TUBAL3: variants seen among roughly 807,000 people sequenced by gnomAD.
The protein encoded by TUBAL3 is tubulin alpha chain-like 3.
TUBAL3 carries 16 observed loss-of-function variants against 15.5 expected under a neutral mutation model. The observed-to-expected ratio is 1.04, with a 90% CI of 0.70 to 1.57. The LOEUF is 1.57. Ranked by LOEUF, TUBAL3 falls within the 40% of genes most tolerant of loss-of-function variation. The pLI, the probability that TUBAL3 is intolerant of heterozygous loss-of-function variation, is 0.00. For missense variants in TUBAL3, 609 were observed against 576.2 expected (o/e 1.06, Z -0.58); for synonymous variants, 238 against 224.3 (o/e 1.06, Z -0.55).
chr10:5,398,907 C>A (rs1831806901), intron 2 of TUBAL3, among the ~76,000 whole-genome samples: 1 of 152,090 alleles, frequency 6.6e-6, no homozygotes, highest in African/African-American at 2.4e-5. Context: ...GTATCATATA[C>A]AATACAATTA....
intron 2 of TUBAL3, among the ~76,000 whole-genome samples, chr10:5,399,377 C>T (rs74678426): frequency 0.022 from 3,358 of 152,234 alleles, 115 homozygotes; most frequent in African/African-American, 0.076. Context: ...GGGATTAGGG[C>T]CCTTATAAGA....
chr10:5,395,984 A>G lies in TUBAL3; in HGVS notation c.248-509T>C, dbSNP rs1458228802. ...ATGTGTGTCTGTGCTCTCTCCTCTG[A>G]TAAGGACACAATTCTTTAGCATTAG... On this transcript the variant is annotated intron_variant, in intron 2 of 3. Transcript: ENST00000380419. The surrounding 1 kb of genome is among the most constrained non-coding windows in gnomAD (Gnocchi z 4.6). Among the ~76,000 whole-genome samples the G allele has an allele frequency of 6.6e-6, 1 of 152,096 alleles. No homozygotes were observed. The highest frequency in any genetic ancestry group is 1.5e-5 in the Non-Finnish European group (1 of 68,030).
Position 5,393,483 on chromosome 10 carries a change from A to T in TUBAL3, c.*34T>A, listed in dbSNP as rs782177939. On this transcript the variant is annotated 3_prime_UTR_variant, in exon 4 of 4. Coordinates refer to ENST00000380419, the MANE Select transcript of TUBAL3 (RefSeq NM_024803.3). ...GCTTGAAAAGAAAACATGCCATTTT[A>T]ACTTGACATTCATTTGCACCCATCA... 6.5e-7 allele frequency: 1 copy of T among 1,528,616 alleles called. No homozygotes were observed. The highest frequency in any genetic ancestry group is 1.3e-5 in the South Asian group (1 of 78,154). The allele number at this position is 1,528,616 out of a possible 1,614,324, so 94.7% of individuals were successfully genotyped here.
intron 2 of TUBAL3, 99 bp downstream of exon 2, chr10:5,400,745 T>C: frequency 6.8e-7 from 1 of 1,461,156 alleles, no homozygotes; most frequent in Admixed American, 1.8e-5. Flanking sequence ...GTCCATGTGA[T>C]TCCATTCAGA....
rs544997233 is a variant in TUBAL3, at chr10:5,398,118, C to T, written c.248-2643G>A. 7.2e-5 allele frequency among the ~76,000 whole-genome samples: 11 copies of T among 152,146 alleles called. No homozygotes were observed. In the South Asian group the frequency reaches 2.3e-3, roughly 32 times the overall value. On this transcript the variant is annotated intron_variant, in intron 2 of 3. Transcript: ENST00000380419. Reference sequence around the variant, plus strand: ...CCTGGGCAATATAGTGAGACCCTATCTCTATAAAAAACAAAAAATTGGCCG... The same window carrying T: ...CCTGGGCAATATAGTGAGACCCTATTTCTATAAAAAACAAAAAATTGGCCG...
chr10:5,399,579 G>A (rs575954334), intron 2 of TUBAL3, among the ~76,000 whole-genome samples: 8 of 152,302 alleles, frequency 5.3e-5, no homozygotes, highest in East Asian at 1.9e-4. Flanking sequence ...ACAGCAGTCC[G>A]AGTTGACCAA....
rs1310765988 is a variant in TUBAL3, at chr10:5,393,908, C to T, written c.950G>A (p.Gly317Glu). The T allele has an allele frequency of 1.2e-6, 2 of 1,614,114 alleles. No individual in the cohort carries two copies. The highest frequency in any genetic ancestry group is 8.5e-7 in the Non-Finnish European group (1 of 1,180,056). The change falls in exon 4 of 4, where the codon GGG becomes GAG. Residue 317 changes from glycine to glutamate, a missense_variant. Gly to Glu is a moderately conservative substitution (Grantham distance 98, BLOSUM62 -2). Coordinates refer to ENST00000380419, the MANE Select transcript of TUBAL3 (RefSeq NM_024803.3). ...NQLVKCDPRL[G>E]KYMACCLLYR... ...GAGTAGGCAGCAGGCCATGTACTTC[C>T]CAAGCCGAGGATCACACTTGACCAG...
chr10:5,401,709 CAT>C (rs763083822), intron 1 of TUBAL3, among the ~76,000 whole-genome samples: 13 of 151,356 alleles, frequency 8.6e-5, no homozygotes, highest in Non-Finnish European at 1.8e-4. Context: ...TTATAACAAA[CAT>C]ATAGAGATAA....
In TUBAL3 at chr10:5,395,998, C is replaced by A. The variant is rs1554814125; in HGVS notation, c.248-523G>T. 6.6e-6 allele frequency among the ~76,000 whole-genome samples: 1 copy of A among 152,158 alleles called. No individual in the cohort carries two copies. The highest frequency in any genetic ancestry group is 6.5e-5 in the Admixed American group (1 of 15,270). ...TCTCTCCTCTGATAAGGACACAATT[C>A]TTTAGCATTAGGGCCCACCCTAATC... On this transcript the variant is annotated intron_variant, in intron 2 of 3. Coordinates refer to ENST00000380419, the MANE Select transcript of TUBAL3 (RefSeq NM_024803.3). The surrounding 1 kb of genome is among the most constrained non-coding windows in gnomAD (Gnocchi z 4.6).
At chr10:5,398,456 A>C (rs1554814345) in intron 2 of TUBAL3, among the ~76,000 whole-genome samples, 2 of 145,958 alleles carry the variant, frequency 1.4e-5, no homozygotes, top group African/African-American at 2.5e-5. Flanking sequence ...AAACTTATCC[A>C]CATGTAGTGA....
At position 5,400,347 on chromosome 10, in the gene TUBAL3, C is replaced by G. The variant is rs146470117; in HGVS notation, c.247+497G>C. Among the ~76,000 whole-genome samples the G allele has an allele frequency of 9.2e-5, 14 of 152,234 alleles. No homozygotes were observed. In the East Asian group the frequency reaches 1.9e-3, roughly 21 times the overall value. ...CATCACACAGGTAAAGAAGGCTAAC[C>G]TAGGCCAAGTGTGGTGGCTCACGCC... On this transcript the variant is annotated intron_variant, in intron 2 of 3. Transcript: ENST00000380419.
chr10:5,402,713 C>T (rs868939658), intron 1 of TUBAL3, among the ~76,000 whole-genome samples: 5 of 152,216 alleles, frequency 3.3e-5, no homozygotes, highest in Non-Finnish European at 7.3e-5. Flanking sequence ...GTCGGATCAG[C>T]GGCAGCATTA....
chr10:5,394,873 C>T lies in TUBAL3; in HGVS notation c.397-412G>A, dbSNP rs1180694411. Among the ~76,000 whole-genome samples, 2 of 152,196 alleles carry T rather than the reference C, an allele frequency of 1.3e-5. No individual in the cohort carries two copies. The highest frequency in any genetic ancestry group is 2.9e-5 in the Non-Finnish European group (2 of 68,034). ...CTAACAAATATGACAAACACCAAAA[C>T]TCTTACTTAGCAAAGGGTCTCCAGA... On this transcript the variant is annotated intron_variant, in intron 3 of 3. Transcript: ENST00000380419. This position sits in a 1 kb window ranked among gnomAD's most constrained non-coding sequence, Gnocchi z 4.3.
In TUBAL3 at chr10:5,393,657, T is replaced by C. The variant is rs1554813723; in HGVS notation, c.1201A>G (p.Lys401Glu). 1 of 1,614,182 alleles carries C rather than the reference T, an allele frequency of 6.2e-7. No individual in the cohort carries two copies. The highest frequency in any genetic ancestry group is 1.1e-5 in the South Asian group (1 of 91,088). The change falls in exon 4 of 4, where the codon AAG (lysine) becomes GAG (glutamate). Residue 401 changes from lysine to glutamate, a missense_variant. By Grantham distance (56) the Lys-to-Glu change is moderately conservative (BLOSUM62 1). Coordinates refer to ENST00000380419, the MANE Select transcript of TUBAL3 (RefSeq NM_024803.3). The part of the protein sequence containing the change: ...IVEAWARLDH[K>E]FDLMYAKRAF... ...CTCTTGGCGTACATGAGGTCAAACT[T>C]GTGGTCCAGGCGGGCCCAGGCCTCC...
Position 5,395,269 on chromosome 10 carries a change from C to G in TUBAL3, c.396+58G>C, listed in dbSNP as rs564519617. The G allele has an allele frequency of 8.6e-6, 12 of 1,401,890 alleles. No individual in the cohort carries two copies. In the East Asian group the frequency reaches 2.4e-4, roughly 29 times the overall value. 86.8% of individuals were successfully genotyped at this position (1,401,890 alleles called of 1,614,324 possible). On this transcript the variant is annotated intron_variant, in intron 3 of 3. Coordinates refer to ENST00000380419, the MANE Select transcript of TUBAL3 (RefSeq NM_024803.3). The surrounding 1 kb of genome is among the most constrained non-coding windows in gnomAD (Gnocchi z 4.6). ...AGCAGATAATGCTTGTGAGTTCTGC[C>G]GCAGGACCCCACATGCCCCAGGCAC...
In TUBAL3 at chr10:5,394,313, G is replaced by T; in HGVS notation, c.545C>A (p.Pro182His). ...TKLEFSVYPA[P>H]RISTAVVEPY... ...CTCTACCACAGCAGTGGAGATCCTG[G>T]GGGCTGGGTAGACCGAGAACTCCAG... The change falls in exon 4 of 4, where the codon CCC (proline) becomes CAC (histidine). Residue 182 changes from proline (P) to histidine (H), a missense_variant. Transcript: ENST00000380419. This position sits in a 1 kb window ranked among gnomAD's most constrained non-coding sequence, Gnocchi z 4.3. 6.2e-7 allele frequency: 1 copy of T among 1,614,126 alleles called. No individual in the cohort carries two copies. The highest frequency in any genetic ancestry group is 8.5e-7 in the Non-Finnish European group (1 of 1,180,014).
chr10:5,400,756 T>A (rs1831837488), intron 2 of TUBAL3, 88 bp downstream of exon 2: 1 of 1,521,764 alleles, frequency 6.6e-7, no homozygotes, highest in Non-Finnish European at 9.0e-7. Context: ...TCCATTCAGA[T>A]AGACCTGTAT....
chr10:5,398,343 C>T (rs1831796146), intron 2 of TUBAL3, among the ~76,000 whole-genome samples: 1 of 150,710 alleles, frequency 6.6e-6, no homozygotes, highest in African/African-American at 2.5e-5. Flanking sequence ...TTGCTTGAAC[C>T]CGGGAGGCAC....
rs782478971 is a variant in TUBAL3, at chr10:5,401,049, G to T, written c.42C>A (p.Ile14=). ...CLSIHIGQAG[I]QIGDACWELY... The stretch of plus-strand genomic sequence containing the variant: ...GTTCCCAGCAGGCGTCCCCAATCTG[G>T]ATGCCAGCTTGACCGATGTGGATGG... The change falls in exon 2 of 4, where the codon ATC becomes ATA. Residue 14 remains isoleucine (I), a synonymous_variant. Coordinates refer to ENST00000380419, the MANE Select transcript of TUBAL3 (RefSeq NM_024803.3). The T allele has an allele frequency of 1.2e-6, 2 of 1,614,150 alleles. No individual in the cohort carries two copies. The highest frequency in any genetic ancestry group is 1.1e-5 in the South Asian group (1 of 91,082).
Sources: allele counts gnomAD v4.1 joint callset (sites outside exome capture counted in the v4.1 genomes callset), GRCh38; gene constraint gnomAD v4.1.1; non-coding constraint Gnocchi (gnomAD v3.1); transcripts MANE v1.5; gene names NCBI Gene and HGNC (gene_info 2026-07-23, HGNC 2026-07-21).